Variants in BAZ2B observed in about 807,000 individuals in gnomAD.
The protein encoded by BAZ2B is bromodomain adjacent to zinc finger domain protein 2B.
BAZ2B carries 91 observed loss-of-function variants against 246.0 expected under a neutral mutation model. The observed-to-expected ratio is 0.37, with a 90% CI of 0.31 to 0.44. The LOEUF (loss-of-function observed/expected upper bound fraction) is 0.44, where lower values mean the gene tolerates loss of function less well. Among genes scored for constraint, BAZ2B ranks in the 20% least tolerant of loss-of-function variants. The pLI is 1.00. For missense variants in BAZ2B, 2,332 were observed against 2,533.7 expected, an observed-to-expected ratio of 0.92 and a Z score of 1.71; for synonymous variants, 855 against 860.0, an observed-to-expected ratio of 0.99 and a Z score of 0.10.
intron 34 of BAZ2B, among the ~76,000 whole-genome samples, chr2:159,330,948 A>C (rs188057848): frequency 2.1e-3 from 317 of 152,322 alleles, no homozygotes; most frequent in African/African-American, 6.8e-3. Context: ...GAAGGAAAAA[A>C]TGGAGGAACT....
chr2:159,667,580 A>T, the BAZ2B span, among the ~76,000 whole-genome samples: 1 of 150,774 alleles, frequency 6.6e-6, no homozygotes, highest in African/African-American at 2.4e-5. Flanking sequence ...TGGGTGACAG[A>T]GTGTGACTCT....
the BAZ2B span, among the ~76,000 whole-genome samples, chr2:159,702,728 A>G: frequency 6.6e-6 from 1 of 152,104 alleles, no homozygotes; most frequent in East Asian, 1.9e-4. Context: ...AGGACCCCCA[A>G]TACGCAAAAA....
intron 2 of BAZ2B, among the ~76,000 whole-genome samples, chr2:159,511,330 A>G (rs2082896339): frequency 6.6e-6 from 1 of 151,998 alleles, no homozygotes; most frequent in African/African-American, 2.4e-5. Flanking sequence ...CAGCCTCCCA[A>G]GTAGCTGGGA....
intron 16 of BAZ2B, among the ~76,000 whole-genome samples, chr2:159,402,892 T>C (rs781199872): frequency 6.6e-6 from 1 of 152,238 alleles, no homozygotes; most frequent in Non-Finnish European, 1.5e-5. Flanking sequence ...ACATTTAATA[T>C]CTTGTCAATC....
chr2:159,638,336 C>T, the BAZ2B span, among the ~76,000 whole-genome samples: 5 of 152,308 alleles, frequency 3.3e-5, no homozygotes, highest in South Asian at 1.0e-3. Context: ...AATGTCCAGA[C>T]ACTGATGAAC....
intron 34 of BAZ2B, 66 bp downstream of exon 34, chr2:159,332,474 C>T (rs1178299133): frequency 1.4e-6 from 2 of 1,469,972 alleles, no homozygotes; most frequent in Admixed American, 2.0e-5. Context: ...GCAACTGAGA[C>T]CATGTATTAA....
At chr2:159,583,855 A>G (rs554112669) in intron 1 of BAZ2B, among the ~76,000 whole-genome samples, 32 of 152,200 alleles carry the variant, frequency 2.1e-4, no homozygotes, top group Non-Finnish European at 4.0e-4. Flanking sequence ...AATGGTTTGA[A>G]GGATGTTAAG....
chr2:159,358,830 T>A (rs891158785), intron 27 of BAZ2B, among the ~76,000 whole-genome samples: 1 of 152,028 alleles, frequency 6.6e-6, no homozygotes, highest in Non-Finnish European at 1.5e-5. Flanking sequence ...ACAAACTACA[T>A]GGAAACTGAA....
chr2:159,369,072 T>G (rs895544387), intron 27 of BAZ2B, among the ~76,000 whole-genome samples: 6 of 152,262 alleles, frequency 3.9e-5, no homozygotes, highest in African/African-American at 1.4e-4. Context: ...TATATTAATG[T>G]GCTAAAATAA....
chr2:159,590,187 C>CAAA (rs552786270), intron 1 of BAZ2B, among the ~76,000 whole-genome samples: 2 of 20,334 alleles, frequency 9.8e-5, no homozygotes, highest in African/African-American at 4.9e-4. Flanking sequence ...GACTCCATCT[C>CAAA]AAAAAAAAAA....
intron 31 of BAZ2B, among the ~76,000 whole-genome samples, chr2:159,342,668 A>C (rs1366533176): frequency 1.3e-5 from 2 of 152,202 alleles, no homozygotes; most frequent in Admixed American, 1.3e-4. Flanking sequence ...GCTACCAAAC[A>C]AACAAGCAAA....
At chr2:159,625,955 G>C in the BAZ2B span, among the ~76,000 whole-genome samples, 3 of 151,190 alleles carry the variant, frequency 2.0e-5, no homozygotes, top group African/African-American at 4.9e-5. Context: ...ATGCACACAG[G>C]CTCAAAATAA....
At chr2:159,675,010 C>T in the BAZ2B span, among the ~76,000 whole-genome samples, 4 of 151,974 alleles carry the variant, frequency 2.6e-5, no homozygotes, top group Admixed American at 6.6e-5. Flanking sequence ...ATATATAAAA[C>T]GCTCTTGGGG....
At chr2:159,388,074 T>A (rs2062844886) in intron 21 of BAZ2B, among the ~76,000 whole-genome samples, 1 of 151,958 alleles carries the variant, frequency 6.6e-6, no homozygotes, top group African/African-American at 2.4e-5. Context: ...CATGTATACA[T>A]ATGTAACTAA....
the BAZ2B span, among the ~76,000 whole-genome samples, chr2:159,696,433 T>C: frequency 2.0e-5 from 3 of 152,178 alleles, no homozygotes; most frequent in South Asian, 4.1e-4. Flanking sequence ...CATTTATCCC[T>C]TCCTTTTTTA....
chr2:159,681,006 TG>T, the BAZ2B span, among the ~76,000 whole-genome samples: 15 of 152,038 alleles, frequency 9.9e-5, no homozygotes, highest in African/African-American at 3.4e-4. Flanking sequence ...ACCTCAAAAT[TG>T]CTAGGGAGAG....
intron 25 of BAZ2B, among the ~76,000 whole-genome samples, chr2:159,378,976 C>A (rs2061697492): frequency 6.6e-6 from 1 of 152,092 alleles, no homozygotes; most frequent in African/African-American, 2.4e-5. Flanking sequence ...ACTATCTGAT[C>A]CTGCAATCCC....
intron 30 of BAZ2B, among the ~76,000 whole-genome samples, 167 bp from the exon 31 acceptor site, chr2:159,347,813 C>T (rs553426285): frequency 3.3e-5 from 5 of 152,092 alleles, no homozygotes; most frequent in East Asian, 3.9e-4. Flanking sequence ...AGTAGAAACA[C>T]GCTAAGAAAC....
chr2:159,578,754 A>C (rs759768478), intron 1 of BAZ2B, among the ~76,000 whole-genome samples: 3 of 152,150 alleles, frequency 2.0e-5, no homozygotes, highest in Middle Eastern at 3.2e-3. Context: ...CAAACTAGGA[A>C]TCAGGATTAA....
Sources: allele counts gnomAD v4.1 joint callset (sites outside exome capture counted in the v4.1 genomes callset), GRCh38; gene constraint gnomAD v4.1.1; transcripts MANE v1.5; gene names NCBI Gene and HGNC (gene_info 2026-07-23, HGNC 2026-07-21).